ITPR2: variants seen among roughly 807,000 people sequenced by gnomAD.
The protein encoded by ITPR2 is inositol 1,4,5-trisphosphate-gated calcium channel ITPR2.
A neutral mutation model predicts 317.1 loss-of-function variants in ITPR2; 207 were observed. The ratio of observed to expected loss-of-function variants is 0.65; its 90% CI spans 0.58 to 0.73. The LOEUF (loss-of-function observed/expected upper bound fraction) is 0.73, where lower values mean the gene tolerates loss of function less well. Among genes scored for constraint, ITPR2 ranks in the 30% least tolerant of loss-of-function variants. The probability of loss-of-function intolerance (pLI) is 0.00; values close to 1 mark genes in which losing one functional copy is unlikely to be tolerated. For missense variants in ITPR2, 2,613 were observed against 3,284.0 expected, an observed-to-expected ratio of 0.80 and a Z score of 4.99; for synonymous variants, 1,156 against 1,149.1, an observed-to-expected ratio of 1.01 and a Z score of -0.12.
rs1272961275 is a variant in ITPR2 at position 26,340,206 on chromosome 12, G to C, written c.7980C>G (p.Val2660=). The C allele has an allele frequency of 6.2e-7, 1 of 1,609,400 alleles. No individual in the cohort carries two copies. The highest frequency in any genetic ancestry group is 8.5e-7 in the Non-Finnish European group (1 of 1,178,012). ...CCGCCAGCTGACCCGACAGCTGTTT[G>C]ACCAGACTCATGGTCGATTCCAACT... is the stretch of plus-strand genomic sequence containing the variant. The part of the protein sequence containing the change: ...QEKLESTMSL[V]KQLSGQLAEL... Residue 2660 remains valine (V), a synonymous_variant, in exon 56 of 57, where the codon GTC becomes GTG. Transcript: ENST00000381340.
chr12:26,686,877 G>C (rs541765890), intron 10 of ITPR2, among the ~76,000 whole-genome samples: 1 of 152,154 alleles, frequency 6.6e-6, no homozygotes, highest in African/African-American at 2.4e-5. Context: ...AGGCACTAAC[G>C]GTACCAATAG....
At chr12:26,644,745 T>C (rs1272942142) in intron 21 of ITPR2, among the ~76,000 whole-genome samples, 1 of 152,160 alleles carries the variant, frequency 6.6e-6, no homozygotes, top group African/African-American at 2.4e-5. Flanking sequence ...GTGGGAATTA[T>C]GGGAGCTACA....
chr12:26,710,727 C>T (rs577735327), intron 9 of ITPR2, among the ~76,000 whole-genome samples: 1 of 152,232 alleles, frequency 6.6e-6, no homozygotes, highest in Admixed American at 6.5e-5. Context: ...ACGAAGAAAA[C>T]ATTTTCCTTC....
At chr12:26,578,201 C>CCG (rs1162939369) in intron 34 of ITPR2, among the ~76,000 whole-genome samples, 1 of 136,464 alleles carries the variant, frequency 7.3e-6, no homozygotes, top group Non-Finnish European at 1.7e-5. Context: ...TCTCGACACC[C>CCG]CACCCCCATA....
intron 22 of ITPR2, chr12:26,630,601 A>G (rs1383972467): frequency 2.0e-5 from 3 of 152,304 alleles, no homozygotes; most frequent in Non-Finnish European, 4.4e-5. Flanking sequence ...ACACATACGC[A>G]CGGTGGAGCC....
At position 26,399,044 on chromosome 12, in the gene ITPR2, G is replaced by T; in HGVS notation, c.7531-3C>A. On this transcript the variant is annotated splice_region_variant and splice_polypyrimidine_tract_variant and intron_variant, in intron 53 of 56. Coordinates refer to ENST00000381340, the MANE Select transcript of ITPR2 (RefSeq NM_002223.4). The stretch of plus-strand genomic sequence containing the variant: ...ACTCGGGCAGCAAACAAGGGCTCCT[G>T]AAATAAAAATATTTAAAAAAATCAC... The T allele has an allele frequency of 6.4e-7, 1 of 1,565,710 alleles. No individual in the cohort carries two copies. The highest frequency in any genetic ancestry group is 8.6e-7 in the Non-Finnish European group (1 of 1,163,766).
At chr12:26,613,563 G>GACACAC (rs10574347) in intron 26 of ITPR2, among the ~76,000 whole-genome samples, 57 of 148,820 alleles carry the variant, frequency 3.8e-4, no homozygotes, top group Admixed American at 8.0e-4. Flanking sequence ...ATCATACACA[G>GACACAC]ACACACACAC....
At chr12:26,830,098 T>G (rs1327072967) in intron 1 of ITPR2, among the ~76,000 whole-genome samples, 1 of 152,198 alleles carries the variant, frequency 6.6e-6, no homozygotes, top group Non-Finnish European at 1.5e-5. Flanking sequence ...GAGATGGGGT[T>G]TCCCCATGTT....
chr12:26,713,416 T>C (rs1948684599), intron 8 of ITPR2, among the ~76,000 whole-genome samples: 2 of 152,150 alleles, frequency 1.3e-5, no homozygotes, highest in South Asian at 4.1e-4. Flanking sequence ...AAACTGGCAA[T>C]ACTTTAGTAC....
chr12:26,662,195 T>A (rs1287687455), intron 15 of ITPR2, among the ~76,000 whole-genome samples: 2 of 152,190 alleles, frequency 1.3e-5, no homozygotes, highest in Non-Finnish European at 2.9e-5. Context: ...CTCAAGCAAA[T>A]CTTTTTTTCT....
chr12:26,705,790 G>T (rs1192980301), intron 9 of ITPR2, among the ~76,000 whole-genome samples: 2 of 152,132 alleles, frequency 1.3e-5, no homozygotes, highest in Non-Finnish European at 2.9e-5. Context: ...TCCCAAGAAT[G>T]CCTTCAACCC....
At chr12:26,422,206 TTAAC>T (rs1353578673) in intron 49 of ITPR2, among the ~76,000 whole-genome samples, 3 of 150,276 alleles carry the variant, frequency 2.0e-5, no homozygotes, top group Non-Finnish European at 3.0e-5. Context: ...AGTAAATAAT[TTAAC>T]TAATTAGTTA....
rs187976141 is a variant in ITPR2 at position 26,479,387 on chromosome 12, A to G, written c.6123+1744T>C. Among the ~76,000 whole-genome samples, 5 of 152,198 alleles carry G rather than the reference A, an allele frequency of 3.3e-5. No homozygotes were observed. The East Asian group carries it at 9.6e-4, about 29-fold the overall frequency. ...AGGCTTTGATTTGTAAATAATCTAT[A>G]TGCTTATACTTTATTTTAAATGGAT... On this transcript the variant is annotated intron_variant, in intron 43 of 56. Coordinates refer to ENST00000381340, the MANE Select transcript of ITPR2 (RefSeq NM_002223.4).
At chr12:26,366,283 C>T (rs1267100697) in intron 55 of ITPR2, among the ~76,000 whole-genome samples, 5 of 152,120 alleles carry the variant, frequency 3.3e-5, no homozygotes, top group Non-Finnish European at 7.4e-5. Context: ...ACTTTCACTA[C>T]AATTTCATGC....
intron 1 of ITPR2, among the ~76,000 whole-genome samples, chr12:26,808,741 A>G (rs1274685672): frequency 6.6e-6 from 1 of 152,174 alleles, no homozygotes; most frequent in African/African-American, 2.4e-5. Context: ...GACCCCAGAA[A>G]ACATTAAGAA....
intron 26 of ITPR2, among the ~76,000 whole-genome samples, chr12:26,606,800 T>G (rs1946139902): frequency 6.6e-6 from 1 of 152,012 alleles, no homozygotes; most frequent in Admixed American, 6.6e-5. Flanking sequence ...TAGTTGGGCA[T>G]GGTGGGCTCA....
intron 37 of ITPR2, among the ~76,000 whole-genome samples, chr12:26,496,892 C>T (rs1302108438): frequency 2.7e-5 from 4 of 148,010 alleles, no homozygotes; most frequent in African/African-American, 1.0e-4. Context: ...TGCAGTGAGC[C>T]GAGATTGTGA....
In ITPR2 at chr12:26,654,227, C is replaced by T. The variant is rs115080179; in HGVS notation, c.2590-101G>A. ...GGCTTTTTTATTATCTAAATTAGCA[C>T]AGCAATTTCTAAACTTCCTAATTCT... On this transcript the variant is annotated intron_variant, in intron 20 of 56. Coordinates refer to ENST00000381340, the MANE Select transcript of ITPR2 (RefSeq NM_002223.4). 3.9e-5 allele frequency: 35 copies of T among 907,330 alleles called. No homozygotes were observed. In the African/African-American group the frequency reaches 5.6e-4, roughly 14 times the overall value. 56.2% of individuals were successfully genotyped at this position (907,330 alleles called of 1,614,324 possible). A position where few individuals can be genotyped will look rare whatever the true frequency, so the allele number is the denominator to read the frequency against.
chr12:26,405,419 G>A (rs1455265445), intron 52 of ITPR2, among the ~76,000 whole-genome samples: 1 of 151,972 alleles, frequency 6.6e-6, no homozygotes, highest in Non-Finnish European at 1.5e-5. Context: ...AATTCTATGA[G>A]GTTAAATAAT....
Sources: allele counts gnomAD v4.1 joint callset (sites outside exome capture counted in the v4.1 genomes callset), GRCh38; gene constraint gnomAD v4.1.1; transcripts MANE v1.5; gene names NCBI Gene and HGNC (gene_info 2026-07-23, HGNC 2026-07-21).